The following MACROD2 variants were observed in gnomAD, a reference collection of about 807,000 sequenced individuals.
MACROD2 encodes ADP-ribose glycohydrolase MACROD2.
A neutral mutation model predicts 70.4 loss-of-function variants in MACROD2; 36 were observed. The ratio of observed to expected loss-of-function variants is 0.51; its 90% CI spans 0.39 to 0.68. The LOEUF (loss-of-function observed/expected upper bound fraction) is 0.68, where lower values mean the gene tolerates loss of function less well. MACROD2 is among the 30% of genes least tolerant of loss of function. The pLI is 0.00. For synonymous variants in MACROD2, 172 were observed against 178.8 expected (o/e 0.96, Z 0.30); for missense variants, 496 against 538.4 (o/e 0.92, Z 0.78).
intron 6 of MACROD2, among the ~76,000 whole-genome samples, chr20:15,248,551 A>C (rs1304518987): frequency 2.0e-4 from 31 of 152,136 alleles, no homozygotes; most frequent in Admixed American, 2.0e-3. Flanking sequence ...TTCAGTGACT[A>C]CAAGTCCCTG....
intron 6 of MACROD2, among the ~76,000 whole-genome samples, chr20:15,387,089 T>C (rs1380893018): frequency 6.6e-6 from 1 of 152,076 alleles, no homozygotes; most frequent in Non-Finnish European, 1.5e-5. Context: ...TAATCAAAAT[T>C]CACAGTAAGT....
chr20:15,008,978 T>A (rs943583581), intron 5 of MACROD2, among the ~76,000 whole-genome samples: 1 of 152,032 alleles, frequency 6.6e-6, no homozygotes, highest in Non-Finnish European at 1.5e-5. Flanking sequence ...AATGTAGCAG[T>A]TATATGTAAT....
In MACROD2 at chr20:15,865,634, T is replaced by C. The variant is rs570381919; in HGVS notation, c.727+2808T>C. Among the ~76,000 whole-genome samples the C allele has an allele frequency of 9.0e-4, 137 of 151,904 alleles. 1 individual carries two copies. Among genetic ancestry groups the C allele is most frequent in the African/African-American group, 3.2e-3 (131 of 41,428 alleles). ...CTCTCCAGGAAAGCTTTGAAAAGGGTTGGGGGAAAATTGGGTTCAGATATG... is the reference window on the plus strand; with the variant it reads ...CTCTCCAGGAAAGCTTTGAAAAGGGCTGGGGGAAAATTGGGTTCAGATATG... On this transcript the variant is annotated intron_variant, in intron 9 of 17. Transcript: ENST00000684519.
At chr20:15,855,854 T>A (rs2064350750) in intron 8 of MACROD2, among the ~76,000 whole-genome samples, 1 of 152,250 alleles carries the variant, frequency 6.6e-6, no homozygotes, top group Non-Finnish European at 1.5e-5. Flanking sequence ...TTTTGTATGG[T>A]TATAAATTTT....
rs1365609524 is a variant in MACROD2 at position 14,087,947 on chromosome 20, CATAT to C, written c.271+2221_271+2224del. ...ATATAATCTTTTATATATATACACA[CATAT>C]AAATAAAAGATATATATACACACAT... On this transcript the variant is annotated intron_variant, in intron 3 of 17. Coordinates refer to ENST00000684519, the MANE Select transcript of MACROD2 (RefSeq NM_001351661.2). Among the ~76,000 whole-genome samples, 7 of 151,774 alleles carry C rather than the reference CATAT, an allele frequency of 4.6e-5. No homozygotes were observed. In the South Asian group the frequency reaches 1.5e-3, roughly 32 times the overall value.
At chr20:15,111,173 G>GTTTTTTTTTTTTTTT in intron 5 of MACROD2, among the ~76,000 whole-genome samples, 1 of 78,366 alleles carries the variant, frequency 1.3e-5, no homozygotes, top group African/African-American at 5.7e-5. Context: ...GTTTGTTTTT[G>GTTTTTTTTTTTTTTT]TTTGTTTTTT....
intron 2 of MACROD2, among the ~76,000 whole-genome samples, chr20:14,044,958 C>T (rs1295663311): frequency 1.3e-5 from 2 of 152,238 alleles, no homozygotes; most frequent in South Asian, 2.1e-4. Flanking sequence ...GCTGCAGGTC[C>T]CAAGCCCTGC....
chr20:14,638,717 A>G (rs1984919665), intron 4 of MACROD2, among the ~76,000 whole-genome samples: 1 of 152,196 alleles, frequency 6.6e-6, no homozygotes, highest in Non-Finnish European at 1.5e-5. Flanking sequence ...TTGTGAGGCC[A>G]TGGCGGGAGG....
At chr20:14,346,295 A>G (rs569388703) in intron 3 of MACROD2, among the ~76,000 whole-genome samples, 20 of 152,196 alleles carry the variant, frequency 1.3e-4, no homozygotes, top group South Asian at 8.3e-4. Flanking sequence ...AAGACGTATG[A>G]ATGTAGTGTT....
chr20:14,664,432 A>G (rs2070714575), intron 4 of MACROD2, among the ~76,000 whole-genome samples: 1 of 152,200 alleles, frequency 6.6e-6, no homozygotes, highest in Non-Finnish European at 1.5e-5. Context: ...AGAGAAAGTC[A>G]TCTTTGTAAT....
intron 10 of MACROD2, among the ~76,000 whole-genome samples, chr20:15,901,421 A>G (rs565977706): frequency 1.3e-5 from 2 of 152,142 alleles, no homozygotes; most frequent in Admixed American, 6.5e-5. Flanking sequence ...TCTCGATGTG[A>G]TAGTCTTTCA....
At chr20:15,688,986 G>A (rs941306679) in intron 8 of MACROD2, among the ~76,000 whole-genome samples, 3 of 152,180 alleles carry the variant, frequency 2.0e-5, no homozygotes, top group Non-Finnish European at 4.4e-5. Context: ...TCATTTCGCT[G>A]GATACTAGGA....
At chr20:14,366,299 T>G (rs1010887102) in intron 3 of MACROD2, among the ~76,000 whole-genome samples, 29 of 152,206 alleles carry the variant, frequency 1.9e-4, no homozygotes, top group Admixed American at 5.9e-4. Flanking sequence ...TGCATATATA[T>G]TTGTAATTTT....
intron 12 of MACROD2, among the ~76,000 whole-genome samples, chr20:15,963,516 T>A (rs1172726308): frequency 6.6e-6 from 1 of 152,186 alleles, no homozygotes; most frequent in Non-Finnish European, 1.5e-5. Context: ...TTAACACATC[T>A]CTATATTTGC....
chr20:15,557,952 A>G (rs2048190603), intron 8 of MACROD2, among the ~76,000 whole-genome samples: 1 of 152,204 alleles, frequency 6.6e-6, no homozygotes, highest in Non-Finnish European at 1.5e-5. Flanking sequence ...AACTGGGACA[A>G]ACTCACATAG....
intron 4 of MACROD2, among the ~76,000 whole-genome samples, chr20:14,526,690 C>A (rs1038830762): frequency 7.2e-5 from 11 of 152,202 alleles, no homozygotes; most frequent in African/African-American, 2.7e-4. Context: ...GTCCCCCTCA[C>A]AGGGCATGTG....
rs904200569 is a variant in MACROD2 at position 15,822,796 on chromosome 20, G to A, written c.646-39949G>A. ...GAAAGGAAGAGATTTTAGAGACTAGGAAAGGACAGCAAATTAGGAAAGAAA... is the reference window on the plus strand; with the variant it reads ...GAAAGGAAGAGATTTTAGAGACTAGAAAAGGACAGCAAATTAGGAAAGAAA... On this transcript the variant is annotated intron_variant, in intron 8 of 17. Coordinates refer to ENST00000684519, the MANE Select transcript of MACROD2 (RefSeq NM_001351661.2). 5.3e-5 allele frequency among the ~76,000 whole-genome samples: 8 copies of A among 152,260 alleles called. No individual in the cohort carries two copies. The East Asian group carries it at 1.5e-3, about 29-fold the overall frequency.
At chr20:14,633,082 C>T (rs1201053102) in intron 4 of MACROD2, among the ~76,000 whole-genome samples, 1 of 152,222 alleles carries the variant, frequency 6.6e-6, no homozygotes, top group Admixed American at 6.5e-5. Context: ...TGGAGAGGAA[C>T]CTTTCTCTTT....
At chr20:16,012,373 G>A (rs1456251891) in intron 15 of MACROD2, among the ~76,000 whole-genome samples, 2 of 152,164 alleles carry the variant, frequency 1.3e-5, no homozygotes, top group African/African-American at 2.4e-5. Flanking sequence ...ATTGTAAATG[G>A]AAATTACCTG....
Sources: allele counts gnomAD v4.1 joint callset (sites outside exome capture counted in the v4.1 genomes callset), GRCh38; gene constraint gnomAD v4.1.1; transcripts MANE v1.5; gene names NCBI Gene and HGNC (gene_info 2026-07-23, HGNC 2026-07-21).